The following ADGRL3 variants were observed in gnomAD, a reference collection of about 807,000 sequenced individuals.
ADGRL3 encodes calcium-independent alpha-latrotoxin receptor 3.
A neutral mutation model predicts 153.5 loss-of-function variants in ADGRL3; 62 were observed. The observed-to-expected ratio is 0.40, with a 90% CI of 0.33 to 0.50. The LOEUF (loss-of-function observed/expected upper bound fraction) is 0.50. ADGRL3 is among the 20% of genes least tolerant of loss of function. The pLI is 0.47. For synonymous variants in ADGRL3, 710 were observed against 672.5 expected, an observed-to-expected ratio of 1.06 and a Z score of -0.86; for missense variants, 1,641 against 1,859.4, an observed-to-expected ratio of 0.88 and a Z score of 2.16.
chr4:61,765,842 T>A (rs797017900), intron 8 of ADGRL3, among the ~76,000 whole-genome samples: 13 of 152,092 alleles, frequency 8.5e-5, no homozygotes, highest in African/African-American at 3.1e-4. Context: ...GGAGGGGGCC[T>A]GAATAATCCC....
At chr4:61,375,820 A>G (rs1190381868) in intron 1 of ADGRL3, among the ~76,000 whole-genome samples, 1 of 152,168 alleles carries the variant, frequency 6.6e-6, no homozygotes, top group Non-Finnish European at 1.5e-5. Flanking sequence ...TCATATTTGT[A>G]GAAGCAATAG....
At chr4:61,793,147 G>A (rs150744671) in intron 8 of ADGRL3, among the ~76,000 whole-genome samples, 34 of 151,994 alleles carry the variant, frequency 2.2e-4, no homozygotes, top group Non-Finnish European at 4.4e-4. Flanking sequence ...GATCTCAGCC[G>A]GGTGTGGTGG....
chr4:61,588,542 G>A (rs1361395672), intron 5 of ADGRL3, among the ~76,000 whole-genome samples: 2 of 151,898 alleles, frequency 1.3e-5, no homozygotes, highest in South Asian at 2.1e-4. Flanking sequence ...TACTTGAAGG[G>A]TAATGAAATA....
intron 20 of ADGRL3, among the ~76,000 whole-genome samples, chr4:61,996,578 C>T (rs1174879699): frequency 6.6e-6 from 1 of 152,130 alleles, no homozygotes; most frequent in Non-Finnish European, 1.5e-5. Flanking sequence ...TTTGCAAAAG[C>T]TTATGGAGTG....
At chr4:61,282,435 A>G (rs1285160537) in intron 1 of ADGRL3, among the ~76,000 whole-genome samples, 1 of 152,060 alleles carries the variant, frequency 6.6e-6, no homozygotes, top group Non-Finnish European at 1.5e-5. Context: ...ATTGATTTGT[A>G]ACTATTTTAA....
At chr4:61,772,476 A>G (rs1030452440) in intron 8 of ADGRL3, among the ~76,000 whole-genome samples, 1 of 152,038 alleles carries the variant, frequency 6.6e-6, no homozygotes. Flanking sequence ...AAATATACAC[A>G]TTTATTTAAT....
rs570881257 is a variant in ADGRL3 at position 61,860,448 on chromosome 4, A to C, written c.1481-32208A>C. ...TGCGTTACTGATCGGAAAAATGAAC[A>C]AATTTGCCCACAAGCAGAGATCGGG... On this transcript the variant is annotated intron_variant, in intron 9 of 26. Transcript: ENST00000683033. Among the ~76,000 whole-genome samples the C allele has an allele frequency of 3.3e-5, 5 of 152,178 alleles. No homozygotes were observed. In the East Asian group the frequency reaches 7.8e-4, roughly 24 times the overall value.
intron 9 of ADGRL3, among the ~76,000 whole-genome samples, chr4:61,818,377 T>C (rs940682240): frequency 6.6e-5 from 10 of 152,186 alleles, no homozygotes; most frequent in African/African-American, 1.7e-4. Context: ...GCTCCACCCC[T>C]GTGACTTTGC....
At chr4:61,511,013 T>G (rs2152871661) in intron 3 of ADGRL3, among the ~76,000 whole-genome samples, 1 of 152,292 alleles carries the variant, frequency 6.6e-6, no homozygotes, top group Admixed American at 6.5e-5. Flanking sequence ...GATTTTTTAT[T>G]TTCTTGATGA....
intron 10 of ADGRL3, among the ~76,000 whole-genome samples, chr4:61,894,815 A>G (rs2098616588): frequency 6.6e-6 from 1 of 152,092 alleles, no homozygotes; most frequent in African/African-American, 2.4e-5. Flanking sequence ...TTCATCTTCC[A>G]TGTTTCTGCC....
chr4:61,685,518 T>C (rs1397185959), intron 6 of ADGRL3, among the ~76,000 whole-genome samples: 1 of 152,118 alleles, frequency 6.6e-6, no homozygotes. Context: ...CTGAAGAGGC[T>C]ATGTGAGACC....
At chr4:61,933,117 C>A (rs1282366956) in intron 13 of ADGRL3, among the ~76,000 whole-genome samples, 1 of 151,966 alleles carries the variant, frequency 6.6e-6, no homozygotes, top group Non-Finnish European at 1.5e-5. Context: ...GCTAAAATGG[C>A]TGCTCCATAA....
At chr4:61,641,842 G>A (rs920401611) in intron 5 of ADGRL3, among the ~76,000 whole-genome samples, 2 of 148,990 alleles carry the variant, frequency 1.3e-5, no homozygotes, top group Non-Finnish European at 3.0e-5. Context: ...TCTAGTTCTA[G>A]GTCCCTGAGG....
At chr4:61,754,615 T>G (rs1478400647) in intron 8 of ADGRL3, among the ~76,000 whole-genome samples, 2 of 149,244 alleles carry the variant, frequency 1.3e-5, no homozygotes, top group African/African-American at 5.1e-5. Context: ...TGTATATATA[T>G]ATATTTATTT....
chr4:61,392,935 A>T (rs1345734139), intron 2 of ADGRL3, among the ~76,000 whole-genome samples: 2 of 152,050 alleles, frequency 1.3e-5, no homozygotes, highest in African/African-American at 4.8e-5. Flanking sequence ...AGCTGGCTAC[A>T]TCTCTTATAT....
chr4:61,341,836 G>A (rs1307304557), intron 1 of ADGRL3, among the ~76,000 whole-genome samples: 2 of 151,978 alleles, frequency 1.3e-5, no homozygotes, highest in African/African-American at 4.8e-5. Flanking sequence ...ACTTATTGAT[G>A]CACTCGTGTT....
rs993701017 is a variant in ADGRL3, at chr4:61,406,559, C to T, written c.-174+23370C>T. 2.6e-5 allele frequency among the ~76,000 whole-genome samples: 4 copies of T among 151,606 alleles called. No homozygotes were observed. The East Asian group carries it at 7.7e-4, about 29-fold the overall frequency. On this transcript the variant is annotated intron_variant, in intron 2 of 26. Transcript: ENST00000683033. The stretch of plus-strand genomic sequence containing the variant: ...ATTGATAATGCATTTTAATAAAAAA[C>T]TAAGTGGGATGTTATGTCATTCCTG...
At chr4:61,811,526 C>A (rs2148589714) in intron 8 of ADGRL3, among the ~76,000 whole-genome samples, 1 of 152,046 alleles carries the variant, frequency 6.6e-6, no homozygotes, top group African/African-American at 2.4e-5. Context: ...CTTAGGATTT[C>A]TTTTGGTTTT....
chr4:61,660,005 A>T (rs2150554977), intron 5 of ADGRL3, among the ~76,000 whole-genome samples: 1 of 151,842 alleles, frequency 6.6e-6, no homozygotes, highest in East Asian at 2.0e-4. Flanking sequence ...GGGGGGACAG[A>T]GGAGAAAGAT....
Sources: gnomAD v4.1 joint callset for allele counts (sites outside exome capture counted in the v4.1 genomes callset) on GRCh38, gnomAD v4.1.1 for gene constraint, MANE v1.5 for transcripts, NCBI Gene and HGNC (gene_info 2026-07-23, HGNC 2026-07-21) for gene names.